The following ZNF560 variants were observed in gnomAD, a reference collection of about 807,000 sequenced individuals.
ZNF560 encodes zinc finger protein 560.
A neutral mutation model predicts 81.8 loss-of-function variants in ZNF560; 54 were observed. That is an observed-to-expected ratio of 0.66 (90% confidence interval 0.53 to 0.83). The LOEUF (loss-of-function observed/expected upper bound fraction) is 0.83, where lower values mean the gene tolerates loss of function less well. Among genes scored for constraint, ZNF560 ranks in the 40% least tolerant of loss-of-function variants. The probability of loss-of-function intolerance (pLI) is 0.00; values close to 1 mark genes in which losing one functional copy is unlikely to be tolerated. For synonymous variants in ZNF560, 321 were observed against 317.9 expected (o/e 1.01, Z -0.10); for missense variants, 940 against 932.4 (o/e 1.01, Z -0.11).
At chr19:9,482,440 G>C (rs1289421030) in intron 2 of ZNF560, among the ~76,000 whole-genome samples, 2 of 150,688 alleles carry the variant, frequency 1.3e-5, no homozygotes, top group Non-Finnish European at 3.0e-5. Context: ...AAGGAAGGGA[G>C]GGGGGAAGGG....
downstream of ZNF560, among the ~76,000 whole-genome samples, chr19:9,463,546 T>C (rs2072968009): frequency 6.6e-6 from 1 of 152,248 alleles, no homozygotes; most frequent in African/African-American, 2.4e-5. Flanking sequence ...CTGCGTCTTT[T>C]GTGTCACTGG....
Position 9,468,335 on chromosome 19 carries a change from C to T in ZNF560, c.613-1G>A. 2.5e-6 allele frequency: 4 copies of T among 1,582,606 alleles called. No individual in the cohort carries two copies. Among genetic ancestry groups the T allele is most frequent in the Non-Finnish European group, 3.4e-6 (4 of 1,167,292 alleles). On this transcript the variant is annotated splice_acceptor_variant, in intron 9 of 9. Coordinates refer to ENST00000301480, the MANE Select transcript of ZNF560 (RefSeq NM_152476.3). LOFTEE classifies it high-confidence loss of function. The stretch of plus-strand genomic sequence containing the variant: ...GTTCCTCTCCATTTTGGTTTCTTGC[C>T]TGTTAACACAGGAATGAACAATAAA...
intron 2 of ZNF560, among the ~76,000 whole-genome samples, chr19:9,481,013 G>A (rs996823818): frequency 2.0e-5 from 3 of 151,070 alleles, no homozygotes; most frequent in Non-Finnish European, 4.4e-5. Context: ...GAGCCCAGGA[G>A]AGAGAGGCTG....
At chr19:9,494,328 G>C (rs1331733627) in intron 2 of ZNF560, among the ~76,000 whole-genome samples, 2 of 152,110 alleles carry the variant, frequency 1.3e-5, no homozygotes, top group Non-Finnish European at 2.9e-5. Flanking sequence ...CAGTTACCAA[G>C]TTATCCATCT....
intron 2 of ZNF560, among the ~76,000 whole-genome samples, chr19:9,496,527 C>T (rs1190601117): frequency 8.9e-6 from 1 of 111,864 alleles, no homozygotes; most frequent in Non-Finnish European, 1.7e-5. Flanking sequence ...CCAGGCCTGG[C>T]TTTGGTCTTT....
At chr19:9,496,368 C>A (rs2073558170) in intron 2 of ZNF560, among the ~76,000 whole-genome samples, 1 of 151,294 alleles carries the variant, frequency 6.6e-6, no homozygotes, top group Non-Finnish European at 1.5e-5. Context: ...ACAAAAAAAC[C>A]CCGCAAATAT....
the ZNF560 span, among the ~76,000 whole-genome samples, chr19:9,446,615 T>C: frequency 6.6e-6 from 1 of 152,148 alleles, no homozygotes; most frequent in African/African-American, 2.4e-5. Flanking sequence ...CAAGAAAATA[T>C]AGCAAAAGTG....
At chr19:9,486,585 C>G (rs1295345131) in intron 2 of ZNF560, among the ~76,000 whole-genome samples, 2 of 151,902 alleles carry the variant, frequency 1.3e-5, no homozygotes, top group Non-Finnish European at 2.9e-5. Flanking sequence ...AGCAAATAGA[C>G]AAAAATGAGC....
At chr19:9,486,581 T>C (rs1245803581) in intron 2 of ZNF560, among the ~76,000 whole-genome samples, 3 of 151,676 alleles carry the variant, frequency 2.0e-5, no homozygotes, top group Admixed American at 6.6e-5. Flanking sequence ...CTCTAGCAAA[T>C]AGACAAAAAT....
chr19:9,446,249 T>C, the ZNF560 span, among the ~76,000 whole-genome samples: 1 of 152,068 alleles, frequency 6.6e-6, no homozygotes. Flanking sequence ...GCTATTTACT[T>C]TTCAGATTCT....
chr19:9,450,867 C>G, the ZNF560 span, among the ~76,000 whole-genome samples: 1 of 152,038 alleles, frequency 6.6e-6, no homozygotes, highest in African/African-American at 2.4e-5. Context: ...AGCTGAGAGC[C>G]AAATCAAGAT....
the ZNF560 span, among the ~76,000 whole-genome samples, chr19:9,451,068 A>G: frequency 4.6e-5 from 7 of 152,204 alleles, no homozygotes; most frequent in Non-Finnish European, 8.8e-5. Flanking sequence ...TGCAGATTCA[A>G]CACTATTCCT....
the ZNF560 span, among the ~76,000 whole-genome samples, chr19:9,447,400 C>T: frequency 6.6e-6 from 1 of 151,992 alleles, no homozygotes; most frequent in African/African-American, 2.4e-5. Context: ...AATGGAGGCA[C>T]AGAGATGACA....
intron 2 of ZNF560, among the ~76,000 whole-genome samples, chr19:9,486,229 C>T (rs1378588109): frequency 1.3e-5 from 2 of 152,112 alleles, no homozygotes; most frequent in Non-Finnish European, 1.5e-5. Context: ...TAAGCAGTAT[C>T]CTGGGGTGCA....
At chr19:9,487,147 A>T (rs1409824672) in intron 2 of ZNF560, among the ~76,000 whole-genome samples, 1 of 152,042 alleles carries the variant, frequency 6.6e-6, no homozygotes, top group Non-Finnish European at 1.5e-5. Context: ...CAAGCTCCAT[A>T]AGGGATAAAA....
rs2073091945 is a variant in ZNF560 at position 9,469,663 on chromosome 19, C to T, written c.496G>A (p.Glu166Lys). The change falls in exon 8 of 10, where the codon GAA becomes AAA. Residue 166 changes from glutamate (E) to lysine (K), a missense_variant. Transcript: ENST00000301480. Reference sequence around the variant, plus strand: ...ACTCTTGGCAGTGTGCTCAACTCTTCCTCTTCCTCCAGCCAAGAGATCAGA... The same window carrying T: ...ACTCTTGGCAGTGTGCTCAACTCTTTCTCTTCCTCCAGCCAAGAGATCAGA... ...PSLISWLEEE[E>K]ELSTLPRVLQ... The T allele has an allele frequency of 3.1e-6, 5 of 1,614,060 alleles. No homozygotes were observed. The South Asian group carries it at 5.5e-5, about 18-fold the overall frequency.
chr19:9,467,462 T>C lies in ZNF560; in HGVS notation c.1485A>G (p.Lys495=). 1 of 1,614,100 alleles carries C rather than the reference T, an allele frequency of 6.2e-7. No homozygotes were observed. Among genetic ancestry groups the C allele is most frequent in the South Asian group, 1.1e-5 (1 of 91,072 alleles). Residue 495 remains lysine, a synonymous_variant, in exon 10 of 10, where the codon AAA becomes AAG. Transcript: ENST00000301480. ...AAAGAGATGAGAAAGAAACAAAGACTTTCCCACACTGGTCACAATCAAAGC... is the reference window on the plus strand; with the variant it reads ...AAAGAGATGAGAAAGAAACAAAGACCTTCCCACACTGGTCACAATCAAAGC... ...QKRFDCDQCG[K]VFVSFSSLFA... is the part of the protein sequence containing the mutation.
upstream of ZNF560, among the ~76,000 whole-genome samples, chr19:9,500,895 A>T (rs1285553512): frequency 6.6e-6 from 1 of 152,020 alleles, no homozygotes; most frequent in Non-Finnish European, 1.5e-5. Context: ...ATTTTTATCA[A>T]GGAAAAGTGT....
Position 9,474,245 on chromosome 19 carries a change from T to A in ZNF560, c.111A>T (p.Leu37Phe), listed in dbSNP as rs759705492. The A allele has an allele frequency of 3.7e-6, 6 of 1,614,170 alleles. No homozygotes were observed. Among genetic ancestry groups the A allele is most frequent in the South Asian group, 2.2e-5 (2 of 91,084 alleles). ...WILLDPVQRN[L>F]YRDVMLENYE... ...AATTCTCCAGCATCACATCTCTGTA[T>A]AAGTTTCTCTGAACTGGGTCCAGTA... Residue 37 changes from leucine to phenylalanine, a missense_variant, in exon 4 of 10, where the codon TTA becomes TTT. Leu to Phe is a conservative substitution (Grantham distance 22). Transcript: ENST00000301480.
Sources: allele counts gnomAD v4.1 joint callset (sites outside exome capture counted in the v4.1 genomes callset), GRCh38; gene constraint gnomAD v4.1.1; transcripts MANE v1.5; gene names NCBI Gene and HGNC (gene_info 2026-07-23, HGNC 2026-07-21).